The following ARHGAP8 variants were observed in gnomAD, a reference collection of about 807,000 sequenced individuals.
ARHGAP8 encodes the protein Rho GTPase activating protein 8.
Under a neutral mutation model 46.1 loss-of-function variants are expected in ARHGAP8, and 62 were observed. The ratio of observed to expected loss-of-function variants is 1.34; its 90% CI spans 1.10 to 1.66. The LOEUF is 1.66. Among genes scored for constraint, ARHGAP8 ranks in the 40% most tolerant of loss-of-function variants. The pLI is 0.00. For missense variants in ARHGAP8, 923 were observed against 568.4 expected, an observed-to-expected ratio of 1.62 and a Z score of -6.34; for synonymous variants, 375 against 243.1, an observed-to-expected ratio of 1.54 and a Z score of -5.05.
intron 1 of ARHGAP8, among the ~76,000 whole-genome samples, chr22:44,774,686 C>T (rs149998705): frequency 1.2e-4 from 18 of 152,076 alleles, no homozygotes; most frequent in African/African-American, 4.3e-4. Flanking sequence ...CCACACCTGG[C>T]TAATTTTTGT....
intron 1 of ARHGAP8, among the ~76,000 whole-genome samples, chr22:44,755,679 C>G (rs1191709738): frequency 6.6e-6 from 1 of 152,214 alleles, no homozygotes; most frequent in African/African-American, 2.4e-5. Context: ...GGCAGAGGAC[C>G]TGGCTGAGTG....
intron 1 of ARHGAP8, among the ~76,000 whole-genome samples, chr22:44,782,386 CAA>C (rs1926905862): frequency 6.6e-6 from 1 of 152,156 alleles, no homozygotes; most frequent in South Asian, 2.1e-4. Flanking sequence ...TTAAAGCACA[CAA>C]TTCAGGGCTG....
chr22:44,757,648 T>C (rs1224912773), intron 1 of ARHGAP8, among the ~76,000 whole-genome samples: 1 of 151,946 alleles, frequency 6.6e-6, no homozygotes, highest in Non-Finnish European at 1.5e-5. Flanking sequence ...GTTGTTTTGT[T>C]TTGTTTTTGA....
intron 10 of ARHGAP8, among the ~76,000 whole-genome samples, chr22:44,855,104 A>G (rs1978445613): frequency 6.6e-6 from 1 of 152,240 alleles, no homozygotes; most frequent in South Asian, 2.1e-4. Flanking sequence ...GCCAATTTGA[A>G]TAGAACTCCT....
chr22:44,758,608 C>G (rs1924877274), intron 1 of ARHGAP8, among the ~76,000 whole-genome samples: 1 of 151,258 alleles, frequency 6.6e-6, no homozygotes, highest in Non-Finnish European at 1.5e-5. Context: ...GCTGTGCGTT[C>G]CAGGTAGTGG....
chr22:44,814,135 G>T (rs962014533), intron 4 of ARHGAP8, among the ~76,000 whole-genome samples: 1 of 152,228 alleles, frequency 6.6e-6, no homozygotes, highest in Non-Finnish European at 1.5e-5. Flanking sequence ...CAAGAAGGAA[G>T]CATGGAGACT....
At chr22:44,753,619 T>TG (rs1427272400) in intron 1 of ARHGAP8, among the ~76,000 whole-genome samples, 2 of 58,300 alleles carry the variant, frequency 3.4e-5, no homozygotes, top group African/African-American at 6.5e-5. Flanking sequence ...CTGTGGGGGG[T>TG]GGGGGGGCTC....
chr22:44,814,259 A>T lies in ARHGAP8; in HGVS notation c.300-413A>T, dbSNP rs7292592. On this transcript the variant is annotated intron_variant, in intron 4 of 11. Coordinates refer to ENST00000356099, the MANE Select transcript of ARHGAP8 (RefSeq NM_181335.3). ...TAGGTTATTGCCGGGTTTATCTGCC[A>T]TCATAACCAACACGGTGAGCTCCTT... Among the ~76,000 whole-genome samples, 345 of 152,316 alleles carry T rather than the reference A, an allele frequency of 2.3e-3. 1 individual carries two copies. Among genetic ancestry groups the T allele is most frequent in the African/African-American group, 8.0e-3 (334 of 41,562 alleles).
chr22:44,823,647 G>A (rs1290550677), intron 6 of ARHGAP8, among the ~76,000 whole-genome samples: 6 of 152,170 alleles, frequency 3.9e-5, no homozygotes, highest in East Asian at 1.9e-4. Context: ...AAAGTGATCC[G>A]GGGGAGTCCA....
At chr22:44,776,078 A>G (rs1046431110) in intron 1 of ARHGAP8, among the ~76,000 whole-genome samples, 6 of 152,146 alleles carry the variant, frequency 3.9e-5, no homozygotes, top group African/African-American at 1.4e-4. Context: ...CTGTAGTCTA[A>G]AACTTCACGG....
intron 2 of ARHGAP8, among the ~76,000 whole-genome samples, chr22:44,789,411 A>G (rs1448399530): frequency 1.3e-5 from 2 of 152,106 alleles, no homozygotes; most frequent in Admixed American, 6.5e-5. Context: ...TCAGCCTCCC[A>G]AAGTGCTGGG....
intron 1 of ARHGAP8, among the ~76,000 whole-genome samples, chr22:44,785,549 C>T (rs1927155416): frequency 6.6e-6 from 1 of 152,088 alleles, no homozygotes; most frequent in Non-Finnish European, 1.5e-5. Flanking sequence ...ATCCAGTTGA[C>T]CACATCTTAA....
At chr22:44,778,670 C>G (rs558811958) in intron 1 of ARHGAP8, among the ~76,000 whole-genome samples, 3 of 152,142 alleles carry the variant, frequency 2.0e-5, no homozygotes, top group Non-Finnish European at 4.4e-5. Context: ...CCCTGTTCAC[C>G]GCAGCCACGC....
chr22:44,796,561 T>A (rs1444992611), intron 2 of ARHGAP8, among the ~76,000 whole-genome samples: 1 of 148,394 alleles, frequency 6.7e-6, no homozygotes, highest in Non-Finnish European at 1.5e-5. Context: ...TCAATCCCAC[T>A]GAAGAAATGA....
intron 1 of ARHGAP8, 86 bp from the exon 2 acceptor site, chr22:44,786,371 C>A (rs1569144227): frequency 6.0e-6 from 9 of 1,494,192 alleles, no homozygotes; most frequent in African/African-American, 1.4e-5. Flanking sequence ...AGGTGGGTGA[C>A]TGTCTTATGA....
chr22:44,808,476 C>CT (rs757999023), intron 4 of ARHGAP8, 38 bp downstream of exon 4: 47 of 1,608,538 alleles, frequency 2.9e-5, no homozygotes, highest in Non-Finnish European at 3.9e-5. Context: ...TGGGTGTGGG[C>CT]TGCTTGTGGC....
intron 3 of ARHGAP8, among the ~76,000 whole-genome samples, chr22:44,805,367 A>G (rs1251238369): frequency 6.6e-6 from 1 of 152,242 alleles, no homozygotes; most frequent in Non-Finnish European, 1.5e-5. Flanking sequence ...ACAGTGTTTC[A>G]GAGCTGTAGA....
At chr22:44,808,924 C>T (rs1929140662) in intron 4 of ARHGAP8, 2 of 370,084 alleles carry the variant, frequency 5.4e-6, no homozygotes, top group African/African-American at 2.1e-5. Flanking sequence ...CTCAAGCAGT[C>T]CTCTTGCCTC....
intron 7 of ARHGAP8, among the ~76,000 whole-genome samples, chr22:44,828,708 C>T (rs1487049680): frequency 6.6e-6 from 1 of 151,644 alleles, no homozygotes; most frequent in African/African-American, 2.4e-5. Context: ...CTGCCTCGGC[C>T]TCCTACTGGG....
Sources: gnomAD v4.1 joint callset for allele counts (sites outside exome capture counted in the v4.1 genomes callset) on GRCh38, gnomAD v4.1.1 for gene constraint, MANE v1.5 for transcripts, NCBI Gene and HGNC (gene_info 2026-07-23, HGNC 2026-07-21) for gene names.